The following CTNND2 variants were observed in gnomAD, a reference collection of about 807,000 sequenced individuals.
CTNND2 encodes the protein catenin delta-2.
In CTNND2, 22 loss-of-function variants were observed where a neutral mutation model predicts 144.4. The ratio of observed to expected loss-of-function variants is 0.15; its 90% confidence interval spans 0.11 to 0.22. The LOEUF is 0.22. Among genes scored for constraint, CTNND2 ranks in the 10% least tolerant of loss-of-function variants. CTNND2 has a pLI of 1.00. For synonymous variants in CTNND2, 751 were observed against 695.6 expected, an observed-to-expected ratio of 1.08 and a Z score of -1.25; for missense variants, 1,353 against 1,618.8, an observed-to-expected ratio of 0.84 and a Z score of 2.82.
At chr5:11,724,532 A>G (rs1786893346) in intron 2 of CTNND2, among the ~76,000 whole-genome samples, 1 of 152,276 alleles carries the variant, frequency 6.6e-6, no homozygotes, top group South Asian at 2.1e-4. Flanking sequence ...TTCCAAGCTT[A>G]TCTATTTCGG....
chr5:11,567,515 A>T (rs1460409598), intron 2 of CTNND2, among the ~76,000 whole-genome samples: 1 of 151,934 alleles, frequency 6.6e-6, no homozygotes, highest in Non-Finnish European at 1.5e-5. Context: ...CAGTTCATGG[A>T]TTCTCTTGCA....
intron 2 of CTNND2, among the ~76,000 whole-genome samples, chr5:11,630,690 A>G (rs555770817): frequency 1.0e-3 from 159 of 152,062 alleles, no homozygotes; most frequent in Non-Finnish European, 1.7e-3. Flanking sequence ...CAATAATCAC[A>G]CCTGTAATCC....
At chr5:11,230,103 A>G (rs1481464936) in intron 10 of CTNND2, among the ~76,000 whole-genome samples, 1 of 151,410 alleles carries the variant, frequency 6.6e-6, no homozygotes, top group East Asian at 1.9e-4. Context: ...CATTCTCAGT[A>G]AACTATCGCA....
intron 10 of CTNND2, among the ~76,000 whole-genome samples, chr5:11,227,052 GC>G (rs1740432597): frequency 6.6e-6 from 1 of 152,148 alleles, no homozygotes; most frequent in South Asian, 2.1e-4. Context: ...TTAGCACAGA[GC>G]CACACACCGT....
At chr5:11,540,524 T>C (rs1226453466) in intron 3 of CTNND2, among the ~76,000 whole-genome samples, 3 of 152,166 alleles carry the variant, frequency 2.0e-5, no homozygotes, top group East Asian at 1.9e-4. Flanking sequence ...TTTTGTTTGT[T>C]TGTTTGTTTT....
intron 2 of CTNND2, among the ~76,000 whole-genome samples, chr5:11,669,089 C>A (rs760290645): frequency 1.3e-5 from 2 of 152,178 alleles, no homozygotes; most frequent in East Asian, 1.9e-4. Flanking sequence ...TATATTGAAG[C>A]AGCCTTGAAT....
At chr5:11,082,104 A>G (rs571484450) in intron 16 of CTNND2, among the ~76,000 whole-genome samples, 2 of 152,336 alleles carry the variant, frequency 1.3e-5, no homozygotes, top group East Asian at 3.9e-4. Context: ...TGTAAACTCC[A>G]CAAGGGCAGG....
At chr5:11,637,992 C>G (rs1170525813) in intron 2 of CTNND2, among the ~76,000 whole-genome samples, 1 of 152,148 alleles carries the variant, frequency 6.6e-6, no homozygotes, top group Non-Finnish European at 1.5e-5. Flanking sequence ...TCTCTAAAGT[C>G]TTTGATTTTA....
chr5:11,436,436 G>A (rs1047207424), intron 3 of CTNND2, among the ~76,000 whole-genome samples: 3 of 152,198 alleles, frequency 2.0e-5, no homozygotes, highest in African/African-American at 7.2e-5. Context: ...TGATATTGGA[G>A]GAGAGAAAAT....
intron 9 of CTNND2, among the ~76,000 whole-genome samples, chr5:11,300,454 G>A (rs1423721095): frequency 6.6e-6 from 1 of 152,024 alleles, no homozygotes; most frequent in African/African-American, 2.4e-5. Context: ...TTCCTTGTCA[G>A]GGCTCCTTGT....
At chr5:11,122,356 G>GCC (rs1754230171) in intron 12 of CTNND2, among the ~76,000 whole-genome samples, 1 of 152,100 alleles carries the variant, frequency 6.6e-6, no homozygotes, top group African/African-American at 2.4e-5. Context: ...GTGGCCTGGA[G>GCC]CCAGTCAGAT....
At chr5:11,475,877 T>G (rs951146149) in intron 3 of CTNND2, among the ~76,000 whole-genome samples, 1 of 152,124 alleles carries the variant, frequency 6.6e-6, no homozygotes, top group Non-Finnish European at 1.5e-5. Flanking sequence ...TTTTTCTTTT[T>G]GAGACTGGAT....
At position 11,580,559 on chromosome 5, in the gene CTNND2, C is replaced by T. The variant is rs77967017; in HGVS notation, c.175-15503G>A. Among the ~76,000 whole-genome samples the T allele has an allele frequency of 6.6e-3, 1,007 of 152,182 alleles. 28 individuals are homozygous for T. The highest frequency in any genetic ancestry group is 0.051 in the East Asian group (265 of 5,178). On this transcript the variant is annotated intron_variant, in intron 2 of 21. Transcript: ENST00000304623. ...CTAGTTCTAATCAATCTAGATGCAA[C>T]GTCTTAAAGTCTCGTAGAATTTTAT...
chr5:11,747,290 C>T (rs1788366166), intron 1 of CTNND2, among the ~76,000 whole-genome samples: 1 of 152,156 alleles, frequency 6.6e-6, no homozygotes. Context: ...GTAGATTGAG[C>T]CGAAATTGAA....
In CTNND2 at chr5:11,903,222, C is replaced by A; in HGVS notation, c.37+595G>T. The A allele has an allele frequency of 1.0e-6, 1 of 985,480 alleles. No homozygotes were observed. The highest frequency in any genetic ancestry group is 1.7e-5 in the African/African-American group (1 of 57,364). 61.0% of individuals were successfully genotyped at this position (985,480 alleles called of 1,614,324 possible). A position where few individuals can be genotyped will look rare whatever the true frequency, so the allele number is the denominator to read the frequency against. On this transcript the variant is annotated intron_variant, in intron 1 of 21. Transcript: ENST00000304623. The surrounding 1 kb of genome is among the most constrained non-coding windows in gnomAD (Gnocchi z 5.4). ...AGCCTGGCTGTCTATTGTCAGCACG[C>A]AGAAGCCCCCGAAACCTGTGAAGCC...
chr5:11,635,988 C>T (rs1781676851), intron 2 of CTNND2, among the ~76,000 whole-genome samples: 1 of 151,872 alleles, frequency 6.6e-6, no homozygotes, highest in South Asian at 2.1e-4. Context: ...GTTCAAATGT[C>T]TTATCTTCTG....
intron 2 of CTNND2, among the ~76,000 whole-genome samples, chr5:11,602,674 ATT>A (rs1176247970): frequency 6.8e-6 from 1 of 146,216 alleles, no homozygotes; most frequent in Non-Finnish European, 1.5e-5. Context: ...TATAATATAT[ATT>A]ATAGAAAATT....
intron 8 of CTNND2, among the ~76,000 whole-genome samples, chr5:11,362,438 T>A (rs541955802): frequency 6.6e-6 from 1 of 152,312 alleles, no homozygotes; most frequent in East Asian, 1.9e-4. Flanking sequence ...GAATTAGGTA[T>A]AGACACAGGG....
chr5:11,797,798 A>G (rs1423271248), intron 1 of CTNND2, among the ~76,000 whole-genome samples: 1 of 152,212 alleles, frequency 6.6e-6, no homozygotes, highest in East Asian at 1.9e-4. Flanking sequence ...CTAAATTTGT[A>G]GTATAGTTGC....
Sources: allele counts gnomAD v4.1 joint callset (sites outside exome capture counted in the v4.1 genomes callset), GRCh38; gene constraint gnomAD v4.1.1; non-coding constraint Gnocchi (gnomAD v3.1); transcripts MANE v1.5; gene names NCBI Gene and HGNC (gene_info 2026-07-23, HGNC 2026-07-21).